Variants in FMN1 observed in about 807,000 individuals in gnomAD.
FMN1 encodes the protein formin 1.
FMN1 carries 110 observed loss-of-function variants against 132.4 expected under a neutral mutation model. The ratio of observed to expected loss-of-function variants is 0.83; its 90% CI spans 0.71 to 0.97. The LOEUF (loss-of-function observed/expected upper bound fraction) is 0.97, where lower values mean the gene tolerates loss of function less well. Among genes scored for constraint, FMN1 ranks in the 50% least tolerant of loss-of-function variants. FMN1 has a pLI of 0.00. For missense variants in FMN1, 1,792 were observed against 1,705.3 expected, an observed-to-expected ratio of 1.05 and a Z score of -0.90; for synonymous variants, 722 against 651.7, an observed-to-expected ratio of 1.11 and a Z score of -1.64.
intron 7 of FMN1, among the ~76,000 whole-genome samples, chr15:32,980,425 C>G (rs1263068039): frequency 6.6e-6 from 1 of 152,018 alleles, no homozygotes; most frequent in Non-Finnish European, 1.5e-5. Context: ...TCTTTACAAA[C>G]CAGGTTTTCT....
intron 4 of FMN1, chr15:33,106,286 A>G (rs1473719559): frequency 6.6e-6 from 1 of 151,702 alleles, no homozygotes; most frequent in Non-Finnish European, 1.5e-5. Flanking sequence ...ACACACACAC[A>G]CACACACACG....
chr15:32,785,342 C>A (rs1266265540), intron 19 of FMN1, among the ~76,000 whole-genome samples: 2 of 148,732 alleles, frequency 1.3e-5, no homozygotes, highest in Non-Finnish European at 3.0e-5. Flanking sequence ...CAGGTGTAAG[C>A]CATCAAGCCC....
chr15:32,959,531 A>G (rs1192594741), intron 9 of FMN1, among the ~76,000 whole-genome samples: 1 of 152,220 alleles, frequency 6.6e-6, no homozygotes, highest in Non-Finnish European at 1.5e-5. Context: ...AAAGCTCAGT[A>G]GACCCAATTT....
intron 6 of FMN1, among the ~76,000 whole-genome samples, chr15:33,041,755 G>C (rs2036450057): frequency 6.6e-6 from 1 of 152,046 alleles, no homozygotes; most frequent in Admixed American, 6.6e-5. Context: ...GTGCATGATT[G>C]GCAGAAATAT....
chr15:33,038,129 G>C (rs748185788), intron 6 of FMN1, among the ~76,000 whole-genome samples: 1 of 152,248 alleles, frequency 6.6e-6, no homozygotes, highest in Non-Finnish European at 1.5e-5. Context: ...TGGGGAGGCT[G>C]AGGCAGGAGA....
intron 4 of FMN1, among the ~76,000 whole-genome samples, chr15:33,116,747 G>C (rs1034901295): frequency 8.2e-5 from 11 of 134,396 alleles, no homozygotes; most frequent in South Asian, 2.6e-4. Context: ...AATAATACTA[G>C]ATATGGCTTT....
rs150890189 is a variant in FMN1 at position 32,955,051 on chromosome 15, G to C, written c.3138+9056C>G. 1.9e-3 allele frequency among the ~76,000 whole-genome samples: 285 copies of C among 152,268 alleles called. 1 individual carries two copies. The highest frequency in any genetic ancestry group is 6.7e-3 in the African/African-American group (280 of 41,548). ...TTCCTTTGCTCTTTAGAACTATGTG[G>C]TACTACGCAAGTTGCCCAACCCCTC... On this transcript the variant is annotated intron_variant, in intron 9 of 20. Coordinates refer to ENST00000616417, the MANE Select transcript of FMN1 (RefSeq NM_001277313.2).
intron 7 of FMN1, among the ~76,000 whole-genome samples, chr15:32,977,398 T>C (rs2032296074): frequency 6.6e-6 from 1 of 152,256 alleles, no homozygotes; most frequent in Non-Finnish European, 1.5e-5. Flanking sequence ...TCAAAATATT[T>C]GCCCTCCATC....
At position 32,985,081 on chromosome 15, in the gene FMN1, A is replaced by C. The variant is rs907373337; in HGVS notation, c.2224-15604T>G. Among the ~76,000 whole-genome samples the C allele has an allele frequency of 3.9e-5, 6 of 151,942 alleles. No individual in the cohort carries two copies. In the East Asian group the frequency reaches 1.2e-3, roughly 29 times the overall value. Reference sequence around the variant, plus strand: ...TGTATTCATTAACAAATGTTGCGCGAAAGGATTAGCAGTTACTTATTATCT... The same window carrying C: ...TGTATTCATTAACAAATGTTGCGCGCAAGGATTAGCAGTTACTTATTATCT... On this transcript the variant is annotated intron_variant, in intron 7 of 20. Transcript: ENST00000616417.
chr15:32,899,541 T>C (rs2060244997), intron 14 of FMN1, among the ~76,000 whole-genome samples: 1 of 152,188 alleles, frequency 6.6e-6, no homozygotes, highest in Admixed American at 6.5e-5. Flanking sequence ...CTCAGAGAGC[T>C]TGACAGTAGA....
rs1040745543 is a variant in FMN1 at position 32,767,070 on chromosome 15, A to C, written c.*7240T>G. 2 of 152,308 alleles carry C rather than the reference A, an allele frequency of 1.3e-5. No homozygotes were observed. The highest frequency in any genetic ancestry group is 2.1e-4 in the South Asian group (1 of 4,828). The allele number at this position is 152,308 out of a possible 1,614,324, so 9.4% of individuals were successfully genotyped here. On this transcript the variant is annotated 3_prime_UTR_variant, in exon 21 of 21. Coordinates refer to ENST00000616417, the MANE Select transcript of FMN1 (RefSeq NM_001277313.2). The stretch of plus-strand genomic sequence containing the variant: ...GATCAATACAAGATCAAGGGCACTC[A>C]CATTTGCCTAATACAGATGCCTTGA...
chr15:33,147,095 G>A lies in FMN1; in HGVS notation c.1867+5953C>T, dbSNP rs141893255. Among the ~76,000 whole-genome samples, 659 of 151,628 alleles carry A rather than the reference G, an allele frequency of 4.3e-3. 7 individuals are homozygous for A. The highest frequency in any genetic ancestry group is 0.014 in the African/African-American group (599 of 41,312). On this transcript the variant is annotated intron_variant, in intron 4 of 20. Coordinates refer to ENST00000616417, the MANE Select transcript of FMN1 (RefSeq NM_001277313.2). ...AAGGAGAATTCCTTGAACCTGGGAGGCGGAGGTTGCAGTGAGCCAAGATCA... is the reference window on the plus strand; with the variant it reads ...AAGGAGAATTCCTTGAACCTGGGAGACGGAGGTTGCAGTGAGCCAAGATCA...
intron 4 of FMN1, among the ~76,000 whole-genome samples, chr15:33,110,631 T>C (rs1351746382): frequency 2.0e-5 from 3 of 151,976 alleles, no homozygotes; most frequent in African/African-American, 2.4e-5. Context: ...GCCCCTCACA[T>C]TGACGCTTCT....
At chr15:32,931,457 CT>C (rs2061115846) in intron 9 of FMN1, among the ~76,000 whole-genome samples, 1 of 152,052 alleles carries the variant, frequency 6.6e-6, no homozygotes, top group Admixed American at 6.5e-5. Context: ...TTGGATGTTA[CT>C]TTAAATGAAA....
rs1339753478 is a variant in FMN1 at position 32,804,324 on chromosome 15, C to G, written c.3937G>C (p.Glu1313Gln). The change falls in exon 18 of 21, where the codon GAG (glutamate) becomes CAG (glutamine). Residue 1313 changes from glutamate (E) to glutamine (Q), a missense_variant. Glu to Gln is a conservative substitution (Grantham distance 29). Transcript: ENST00000616417. Reference sequence around the variant, plus strand: ...AAGTGACTTTCTTCCATCTTATGCTCTTTTTTGGCTGTAAAAGATAAATCA... The same window carrying G: ...AAGTGACTTTCTTCCATCTTATGCTGTTTTTTGGCTGTAAAAGATAAATCA... ...LEEFFQKAKK[E>Q]HKMEESHLEN... 7 of 1,560,422 alleles carry G rather than the reference C, an allele frequency of 4.5e-6. No homozygotes were observed. The highest frequency in any genetic ancestry group is 1.7e-4 in the Middle Eastern group (1 of 5,960).
chr15:33,002,638 C>T (rs1006748237), intron 7 of FMN1, among the ~76,000 whole-genome samples: 9 of 152,296 alleles, frequency 5.9e-5, no homozygotes, highest in Non-Finnish European at 7.3e-5. Context: ...TGAATGCCTG[C>T]GACTTAGCCC....
At chr15:33,017,223 T>C (rs1270123902) in intron 6 of FMN1, among the ~76,000 whole-genome samples, 2 of 152,160 alleles carry the variant, frequency 1.3e-5, no homozygotes, top group Admixed American at 1.3e-4. Context: ...GTGCAACTAC[T>C]CTGTATGCTA....
chr15:32,896,802 A>C (rs1263240945), intron 15 of FMN1, among the ~76,000 whole-genome samples: 1 of 152,150 alleles, frequency 6.6e-6, no homozygotes, highest in Non-Finnish European at 1.5e-5. Context: ...TTCTTTACCT[A>C]TTCATCTATT....
At chr15:32,980,649 T>C (rs2032580160) in intron 7 of FMN1, among the ~76,000 whole-genome samples, 2 of 152,234 alleles carry the variant, frequency 1.3e-5, no homozygotes, top group South Asian at 4.1e-4. Flanking sequence ...ATACCAAATT[T>C]TCTCTGATTT....
Sources: allele counts gnomAD v4.1 joint callset (sites outside exome capture counted in the v4.1 genomes callset), GRCh38; gene constraint gnomAD v4.1.1; transcripts MANE v1.5; gene names NCBI Gene and HGNC (gene_info 2026-07-23, HGNC 2026-07-21).